CIB4: variants seen among roughly 807,000 people sequenced by gnomAD.
The protein encoded by CIB4 is calcium and integrin binding family member 4.
In CIB4, 25 loss-of-function variants were observed where a neutral mutation model predicts 25.8. The observed-to-expected ratio is 0.97, with a 90% CI of 0.71 to 1.35. CIB4 has a LOEUF of 1.35. Among genes scored for constraint, CIB4 ranks in the 40% most tolerant of loss-of-function variants. CIB4 has a pLI of 0.00. For synonymous variants in CIB4, 75 were observed against 81.4 expected, an observed-to-expected ratio of 0.92 and a Z score of 0.42; for missense variants, 235 against 228.2, an observed-to-expected ratio of 1.03 and a Z score of -0.19.
intron 3 of CIB4, among the ~76,000 whole-genome samples, chr2:26,611,838 G>C (rs1415300786): frequency 6.6e-6 from 1 of 152,080 alleles, no homozygotes; most frequent in Non-Finnish European, 1.5e-5. Context: ...ACAAGAAAAA[G>C]CATTTATGCC....
chr2:26,591,257 G>C (rs1668580873), intron 4 of CIB4, among the ~76,000 whole-genome samples: 1 of 152,212 alleles, frequency 6.6e-6, no homozygotes, highest in South Asian at 2.1e-4. Context: ...CTATCCCAGG[G>C]GAAGCTAGAT....
At chr2:26,618,701 G>A (rs979402580) in intron 3 of CIB4, among the ~76,000 whole-genome samples, 3 of 152,214 alleles carry the variant, frequency 2.0e-5, no homozygotes, top group African/African-American at 4.8e-5. Flanking sequence ...AAGGGTCTAC[G>A]TGTGGGTACT....
At chr2:26,610,895 A>C (rs1668984770) in intron 3 of CIB4, among the ~76,000 whole-genome samples, 1 of 152,204 alleles carries the variant, frequency 6.6e-6, no homozygotes, top group South Asian at 2.1e-4. Flanking sequence ...TGTGACCCTC[A>C]AACCTGAGCT....
At chr2:26,592,399 G>A (rs1668601555) in intron 4 of CIB4, among the ~76,000 whole-genome samples, 1 of 152,234 alleles carries the variant, frequency 6.6e-6, no homozygotes, top group African/African-American at 2.4e-5. Flanking sequence ...GGGAACGCTG[G>A]TGTGGACAGG....
At chr2:26,601,402 A>T (rs545331476) in intron 3 of CIB4, among the ~76,000 whole-genome samples, 1 of 152,064 alleles carries the variant, frequency 6.6e-6, no homozygotes, top group East Asian at 1.9e-4. Context: ...CAAAGATAAC[A>T]TGGCAATGCT....
intron 2 of CIB4, among the ~76,000 whole-genome samples, chr2:26,632,830 A>C (rs1441985936): frequency 6.6e-6 from 1 of 152,068 alleles, no homozygotes. Context: ...CAAAAGGAGC[A>C]TTTTGTCACT....
At chr2:26,613,923 C>T (rs1040248779) in intron 3 of CIB4, among the ~76,000 whole-genome samples, 2 of 152,206 alleles carry the variant, frequency 1.3e-5, no homozygotes, top group South Asian at 4.1e-4. Flanking sequence ...GAGCAGAGGC[C>T]GCTGACACCG....
intron 3 of CIB4, among the ~76,000 whole-genome samples, chr2:26,619,615 C>T (rs1333636948): frequency 6.6e-6 from 1 of 152,136 alleles, no homozygotes; most frequent in African/African-American, 2.4e-5. Flanking sequence ...AACATAGAGA[C>T]CTGACAGGGA....
chr2:26,596,472 G>A (rs554409627), intron 3 of CIB4, among the ~76,000 whole-genome samples: 2 of 152,250 alleles, frequency 1.3e-5, no homozygotes, highest in African/African-American at 4.8e-5. Flanking sequence ...GGCCAGGCAC[G>A]GTGGCTCAAG....
rs573347084 is a variant in CIB4 at position 26,583,517 on chromosome 2, G to A, written c.438+272C>T. On this transcript the variant is annotated intron_variant, in intron 5 of 6. Transcript: ENST00000288861. ...CCCTCGAGTGGGTGGGTCGGGCTCC[G>A]TGTTCTGGGGACCCTGGAAAGGACT... Among the ~76,000 whole-genome samples, 4 of 152,262 alleles carry A rather than the reference G, an allele frequency of 2.6e-5. No individual in the cohort carries two copies. The South Asian group carries it at 6.2e-4, about 24-fold the overall frequency.
rs771802864 is a variant in CIB4, at chr2:26,641,262, T to A, written c.53A>T (p.Gln18Leu). ...QMHWEDLEEY[Q>L]ALTFLTRNEI... ...GAGTCCCTAGCCCGATCTACCCACC[T>A]GGTACTCTTCCAGGTCCTCCCAGTG... The change falls in exon 1 of 7, where the codon CAG (glutamine) becomes CTG (leucine). Residue 18 changes from glutamine to leucine, a missense_variant and splice_region_variant. Transcript: ENST00000288861. 2 of 1,612,618 alleles carry A rather than the reference T, an allele frequency of 1.2e-6. No individual in the cohort carries two copies. The highest frequency in any genetic ancestry group is 1.7e-6 in the Non-Finnish European group (2 of 1,178,766).
chr2:26,640,532 C>T lies in CIB4; in HGVS notation c.89+1G>A, dbSNP rs754715283. The T allele has an allele frequency of 2.5e-5, 41 of 1,613,264 alleles. No individual in the cohort carries two copies. The highest frequency in any genetic ancestry group is 8.3e-5 in the Admixed American group (5 of 59,920). On this transcript the variant is annotated splice_donor_variant, in intron 2 of 6. Transcript: ENST00000288861. LOFTEE classifies it high-confidence loss of function. The stretch of plus-strand genomic sequence containing the variant: ...GAAAGAGGGGCGGGGCTTCTACTCA[C>T]CACAGAATTTCATTTCTGGTCAGGA...
At chr2:26,584,516 G>A (rs1273716168) in intron 4 of CIB4, among the ~76,000 whole-genome samples, 2 of 152,216 alleles carry the variant, frequency 1.3e-5, no homozygotes, top group Non-Finnish European at 2.9e-5. Context: ...GTCCACAGTG[G>A]GGCTGGCCAT....
At chr2:26,619,252 G>T (rs557736946) in intron 3 of CIB4, among the ~76,000 whole-genome samples, 1 of 152,108 alleles carries the variant, frequency 6.6e-6, no homozygotes, top group Non-Finnish European at 1.5e-5. Context: ...GGCCCTCCCC[G>T]GGGGGTGAGG....
At chr2:26,601,217 C>CAAAAAA (rs142951418) in intron 3 of CIB4, among the ~76,000 whole-genome samples, 26 of 23,684 alleles carry the variant, frequency 1.1e-3, no homozygotes, top group African/African-American at 3.6e-3. Flanking sequence ...GAGACCATGT[C>CAAAAAA]AAAAAAAAAA....
intron 3 of CIB4, among the ~76,000 whole-genome samples, chr2:26,601,771 A>G (rs72857953): frequency 0.015 from 2,346 of 152,348 alleles, 64 homozygotes; most frequent in African/African-American, 0.053. Context: ...GAATGGATAA[A>G]CAAACCATGG....
At chr2:26,602,138 TG>T (rs1410349350) in intron 3 of CIB4, among the ~76,000 whole-genome samples, 2 of 152,088 alleles carry the variant, frequency 1.3e-5, no homozygotes, top group African/African-American at 4.8e-5. Flanking sequence ...AAAGACAATA[TG>T]GGATGATAGA....
intron 6 of CIB4, 51 bp downstream of exon 6, chr2:26,582,774 C>T (rs1461235681): frequency 6.9e-6 from 8 of 1,163,106 alleles, no homozygotes; most frequent in Non-Finnish European, 1.0e-5. Flanking sequence ...GGGGGCCCTT[C>T]CTGCCCCCAC....
chr2:26,605,703 T>G (rs142059035), intron 3 of CIB4: 43 of 287,096 alleles, frequency 1.5e-4, no homozygotes, highest in African/African-American at 9.1e-4. Context: ...GTGTGCAGGC[T>G]GTGACGACCT....
Sources: gnomAD v4.1 joint callset for allele counts (sites outside exome capture counted in the v4.1 genomes callset) on GRCh38, gnomAD v4.1.1 for gene constraint, MANE v1.5 for transcripts, NCBI Gene and HGNC (gene_info 2026-07-23, HGNC 2026-07-21) for gene names.